The following PGM2L1 variants were observed in gnomAD, a reference collection of about 807,000 sequenced individuals.
The protein encoded by PGM2L1 is phosphoglucomutase 2 like 1, also known as glucose 1,6-bisphosphate synthase.
Under a neutral mutation model 73.4 loss-of-function variants are expected in PGM2L1, and 35 were observed. The ratio of observed to expected loss-of-function variants is 0.48; its 90% confidence interval spans 0.36 to 0.63. The LOEUF (loss-of-function observed/expected upper bound fraction) is 0.63, where lower values mean the gene tolerates loss of function less well. Ranked by LOEUF, PGM2L1 falls within the 30% of genes least tolerant of loss-of-function variation. The probability of loss-of-function intolerance (pLI) is 0.00; values close to 1 mark genes in which losing one functional copy is unlikely to be tolerated. For missense variants in PGM2L1, 570 were observed against 742.0 expected (o/e 0.77, Z 2.69); for synonymous variants, 225 against 253.8 (o/e 0.89, Z 1.08).
chr11:74,332,990 T>C lies in PGM2L1; in HGVS notation c.*3662A>G, dbSNP rs1284613044. 1 of 152,508 alleles carries C rather than the reference T, an allele frequency of 6.6e-6. No individual in the cohort carries two copies. The highest frequency in any genetic ancestry group is 1.9e-4 in the East Asian group (1 of 5,204). 9.4% of individuals were successfully genotyped at this position (152,508 alleles called of 1,614,324 possible). A position where few individuals can be genotyped will look rare whatever the true frequency, so the allele number is the denominator to read the frequency against. ...GCAGGAAAATTATTCATTGCACTTA[T>C]GCATCAGTTACTCAAAACACACAAA... On this transcript the variant is annotated 3_prime_UTR_variant, in exon 14 of 14. Coordinates refer to ENST00000298198, the MANE Select transcript of PGM2L1 (RefSeq NM_173582.6).
intron 5 of PGM2L1, 124 bp downstream of exon 5, chr11:74,368,368 T>C: frequency 1.4e-6 from 1 of 739,564 alleles, no homozygotes; most frequent in Non-Finnish European, 2.2e-6. Flanking sequence ...AGCCTCAGTG[T>C]TTTTAACTTT....
chr11:74,352,982 G>A (rs1862381192), intron 5 of PGM2L1, among the ~76,000 whole-genome samples: 1 of 152,096 alleles, frequency 6.6e-6, no homozygotes, highest in African/African-American at 2.4e-5. Flanking sequence ...AAAAAGTCCT[G>A]CCCACTATTA....
In PGM2L1 at chr11:74,368,478, A is replaced by G. The variant is rs1369197724; in HGVS notation, c.555+14T>C. 1 of 1,592,046 alleles carries G rather than the reference A, an allele frequency of 6.3e-7. No individual in the cohort carries two copies. The highest frequency in any genetic ancestry group is 8.6e-7 in the Non-Finnish European group (1 of 1,160,110). ...AACTATAAGATAAGCAAAGGTCAGG[A>G]GTCCAAGGTTTACCTTGTATCCATT... On this transcript the variant is annotated intron_variant, in intron 5 of 13. Transcript: ENST00000298198.
intron 4 of PGM2L1, among the ~76,000 whole-genome samples, chr11:74,369,801 C>T (rs1862723810): frequency 6.6e-6 from 1 of 152,152 alleles, no homozygotes; most frequent in Admixed American, 6.5e-5. Flanking sequence ...GGCTGGAGTT[C>T]AGCGGCACAA....
At chr11:74,391,568 G>A (rs902112195) in intron 1 of PGM2L1, among the ~76,000 whole-genome samples, 4 of 151,884 alleles carry the variant, frequency 2.6e-5, no homozygotes, top group Non-Finnish European at 5.9e-5. Flanking sequence ...ATTGTTTCCT[G>A]TTCCTTTTTC....
At chr11:74,376,471 TG>T (rs1282129738) in intron 1 of PGM2L1, among the ~76,000 whole-genome samples, 1 of 150,060 alleles carries the variant, frequency 6.7e-6, no homozygotes, top group Non-Finnish European at 1.5e-5. Context: ...ATATATAGTA[TG>T]TATATATAGT....
At chr11:74,358,948 A>G (rs1048855070) in intron 5 of PGM2L1, among the ~76,000 whole-genome samples, 2 of 152,210 alleles carry the variant, frequency 1.3e-5, no homozygotes, top group Non-Finnish European at 2.9e-5. Context: ...TCTATCCTAT[A>G]GATCAGCAGT....
intron 6 of PGM2L1, among the ~76,000 whole-genome samples, chr11:74,349,699 A>G (rs911619272): frequency 6.6e-6 from 1 of 152,192 alleles, no homozygotes; most frequent in African/African-American, 2.4e-5. Context: ...AATAAAACAT[A>G]TTTCAAATTC....
intron 5 of PGM2L1, among the ~76,000 whole-genome samples, chr11:74,360,918 A>G (rs1862553144): frequency 6.6e-6 from 1 of 152,196 alleles, no homozygotes; most frequent in Non-Finnish European, 1.5e-5. Flanking sequence ...AACTGGGTGG[A>G]GCCCACCACT....
intron 5 of PGM2L1, among the ~76,000 whole-genome samples, chr11:74,363,477 G>A (rs1204627246): frequency 6.6e-6 from 1 of 151,966 alleles, no homozygotes; most frequent in Non-Finnish European, 1.5e-5. Context: ...CCGCTAGCAA[G>A]ACTAATAAAG....
At chr11:74,382,710 G>A (rs1362733976) in intron 1 of PGM2L1, among the ~76,000 whole-genome samples, 1 of 151,982 alleles carries the variant, frequency 6.6e-6, no homozygotes, top group East Asian at 1.9e-4. Flanking sequence ...TGTTGCCTAG[G>A]CTGGGCTTGA....
intron 5 of PGM2L1, among the ~76,000 whole-genome samples, chr11:74,351,893 C>T (rs931633906): frequency 2.6e-5 from 4 of 151,088 alleles, no homozygotes; most frequent in South Asian, 2.1e-4. Context: ...ACCCCGGAGG[C>T]GGAGCTTGCA....
Position 74,368,533 on chromosome 11 carries a change from T to C in PGM2L1, c.514A>G (p.Ile172Val). Residue 172 changes from isoleucine to valine, a missense_variant, in exon 5 of 14, where the codon ATT becomes GTT. Ile to Val is a conservative substitution (Grantham distance 29). Coordinates refer to ENST00000298198, the MANE Select transcript of PGM2L1 (RefSeq NM_173582.6). ...QKLKAVAGVM[I>V]TASHNRKEDN... ...TCCTTGCGGTTGTGAGAGGCAGTAA[T>C]CATCACACCTGCAACTGCTTTGAGC... is the stretch of plus-strand genomic sequence containing the variant. 2 of 1,613,898 alleles carry C rather than the reference T, an allele frequency of 1.2e-6. No individual in the cohort carries two copies. Among genetic ancestry groups the C allele is most frequent in the Middle Eastern group, 1.7e-4 (1 of 6,056 alleles).
intron 1 of PGM2L1, among the ~76,000 whole-genome samples, chr11:74,391,333 T>A (rs530709): frequency 1.3e-5 from 2 of 152,056 alleles, no homozygotes; most frequent in African/African-American, 4.8e-5. Flanking sequence ...GCATAGATGC[T>A]GAATTCTTTT....
chr11:74,365,870 C>G (rs1202336208), intron 5 of PGM2L1, among the ~76,000 whole-genome samples: 2 of 152,018 alleles, frequency 1.3e-5, no homozygotes, highest in Non-Finnish European at 2.9e-5. Context: ...GGGTATATAC[C>G]CAAAGGATTA....
intron 2 of PGM2L1, among the ~76,000 whole-genome samples, chr11:74,372,849 CCTATAAG>C (rs758632581): frequency 3.3e-5 from 5 of 152,176 alleles, no homozygotes; most frequent in Non-Finnish European, 7.4e-5. Context: ...ATTTCCCCAA[CCTATAAG>C]CTATGAGTGA....
At chr11:74,343,465 C>G (rs1862214734) in intron 9 of PGM2L1, 49 bp from the exon 10 acceptor site, 4 of 1,581,640 alleles carry the variant, frequency 2.5e-6, no homozygotes, top group Non-Finnish European at 3.4e-6. Flanking sequence ...CTCACAAATA[C>G]CTATTAGAGA....
rs567717275 is a variant in PGM2L1 at position 74,343,165 on chromosome 11, CTT to C, written c.1313-153_1313-152del. On this transcript the variant is annotated intron_variant, in intron 10 of 13. Coordinates refer to ENST00000298198, the MANE Select transcript of PGM2L1 (RefSeq NM_173582.6). ...AGTGTATTTAGGGGACACTTTCGTT[CTT>C]TTTTTTTTCTGATAAGAAATGTATC... The C allele has an allele frequency of 1.4e-5, 16 of 1,179,368 alleles. No individual in the cohort carries two copies. In the African/African-American group the frequency reaches 1.6e-4, roughly 12 times the overall value. The allele number at this position is 1,179,368 out of a possible 1,614,324, so 73.1% of individuals were successfully genotyped here.
At chr11:74,378,853 C>G (rs183102573) in intron 1 of PGM2L1, among the ~76,000 whole-genome samples, 1 of 152,176 alleles carries the variant, frequency 6.6e-6, no homozygotes, top group African/African-American at 2.4e-5. Flanking sequence ...AAATTCACAT[C>G]AACTCTGCCT....
Sources: allele counts gnomAD v4.1 joint callset (sites outside exome capture counted in the v4.1 genomes callset), GRCh38; gene constraint gnomAD v4.1.1; transcripts MANE v1.5; gene names NCBI Gene and HGNC (gene_info 2026-07-23, HGNC 2026-07-21).